COL15A1: variants seen among roughly 807,000 people sequenced by gnomAD.
COL15A1 encodes collagen type XV alpha 1 chain.
A neutral mutation model predicts 165.9 loss-of-function variants in COL15A1; 111 were observed. The observed-to-expected ratio is 0.67, with a 90% CI of 0.57 to 0.78. The LOEUF (loss-of-function observed/expected upper bound fraction) is 0.78, where lower values mean the gene tolerates loss of function less well. Ranked by LOEUF, COL15A1 falls within the 30% of genes least tolerant of loss-of-function variation. COL15A1 has a pLI of 0.00. For synonymous variants in COL15A1, 659 were observed against 674.8 expected (o/e 0.98, Z 0.36); for missense variants, 1,745 against 1,789.7 (o/e 0.98, Z 0.45).
chr9:99,054,543 A>ATT, intron 31 of COL15A1, 33 bp from the exon 32 acceptor site: 7 of 1,546,886 alleles, frequency 4.5e-6, no homozygotes, highest in Admixed American at 2.1e-5. Context: ...GTGATTTTCC[A>ATT]TTTTTTTTTA....
chr9:98,993,365 G>T (rs865850328), intron 5 of COL15A1, among the ~76,000 whole-genome samples: 64 of 152,284 alleles, frequency 4.2e-4, no homozygotes, highest in African/African-American at 1.3e-3. Context: ...CTCCTGGTTG[G>T]CCAGTGGCTT....
At chr9:99,044,214 C>T (rs987680200) in intron 24 of COL15A1, among the ~76,000 whole-genome samples, 6 of 152,052 alleles carry the variant, frequency 3.9e-5, no homozygotes, top group Non-Finnish European at 8.8e-5. Flanking sequence ...CAGGACCACA[C>T]TGGGGCTGGA....
At chr9:99,034,526 GT>G in intron 16 of COL15A1, 22 bp from the exon 17 acceptor site, 2 of 1,322,158 alleles carry the variant, frequency 1.5e-6, no homozygotes, top group African/African-American at 1.8e-5. Flanking sequence ...ATTGGTCCAT[GT>G]TTTTGTTTTT....
rs751646405 is a variant in COL15A1, at chr9:99,068,538, G to A, written c.3838-17G>A. ...CTGATGGTATAATGATTCTAATGTG[G>A]TATTTTGTCTCTATAGGGCCAAGTA... On this transcript the variant is annotated splice_polypyrimidine_tract_variant and intron_variant, in intron 40 of 41. Transcript: ENST00000375001. The A allele has an allele frequency of 1.8e-6, 2 of 1,107,646 alleles. No individual in the cohort carries two copies. The highest frequency in any genetic ancestry group is 2.5e-6 in the Non-Finnish European group (2 of 787,596). 68.6% of individuals were successfully genotyped at this position (1,107,646 alleles called of 1,614,324 possible).
At position 98,987,372 on chromosome 9, in the gene COL15A1, A is replaced by G. The variant is rs1185180271; in HGVS notation, c.723+4A>G. The G allele has an allele frequency of 1.2e-5, 19 of 1,607,604 alleles. No homozygotes were observed. In the Admixed American group the frequency reaches 3.0e-4, roughly 26 times the overall value. On this transcript the variant is annotated splice_donor_region_variant and intron_variant, in intron 4 of 41. Transcript: ENST00000375001. Reference sequence around the variant, plus strand: ...GTGTGACCCTGAAGAGTCCTCGGTGAGCTCCCCTACTATCCCACAGTGGGC... The same window carrying G: ...GTGTGACCCTGAAGAGTCCTCGGTGGGCTCCCCTACTATCCCACAGTGGGC...
chr9:98,958,136 A>G (rs1489180571), intron 2 of COL15A1, among the ~76,000 whole-genome samples: 1 of 152,224 alleles, frequency 6.6e-6, no homozygotes, highest in African/African-American at 2.4e-5. Context: ...ACTCTCCCAG[A>G]GCCTCAGCCT....
chr9:98,985,192 A>G (rs950561526), intron 2 of COL15A1, among the ~76,000 whole-genome samples: 3 of 152,248 alleles, frequency 2.0e-5, no homozygotes, highest in Middle Eastern at 6.3e-3. Context: ...AACGCAGGTC[A>G]TGAACTATTA....
intron 2 of COL15A1, among the ~76,000 whole-genome samples, chr9:98,961,793 T>C (rs1166130026): frequency 1.3e-5 from 2 of 152,208 alleles, no homozygotes; most frequent in Non-Finnish European, 2.9e-5. Flanking sequence ...CCTCTGCTTA[T>C]CAGACAGTGA....
chr9:98,971,295 T>C (rs898560691), intron 2 of COL15A1, among the ~76,000 whole-genome samples: 1 of 152,166 alleles, frequency 6.6e-6, no homozygotes, highest in Non-Finnish European at 1.5e-5. Flanking sequence ...AGGCCCCTTT[T>C]TCTCCGTGCC....
chr9:99,030,843 T>C (rs890702532), intron 16 of COL15A1, among the ~76,000 whole-genome samples: 1 of 152,216 alleles, frequency 6.6e-6, no homozygotes, highest in Non-Finnish European at 1.5e-5. Context: ...GGCACTTTCA[T>C]TAAAGACAGT....
chr9:98,977,952 G>T (rs2094524275), intron 2 of COL15A1, among the ~76,000 whole-genome samples: 2 of 152,144 alleles, frequency 1.3e-5, no homozygotes, highest in African/African-American at 4.8e-5. Context: ...TCCACTGCAG[G>T]CTGCCTCCTT....
chr9:99,005,442 C>T (rs1322498076), intron 9 of COL15A1, among the ~76,000 whole-genome samples: 1 of 152,144 alleles, frequency 6.6e-6, no homozygotes, highest in Admixed American at 6.5e-5. Flanking sequence ...TAGCCCTCTC[C>T]TCGTGCAGCG....
Position 99,059,848 on chromosome 9 carries a change from G to A in COL15A1, c.3338-41G>A, listed in dbSNP as rs151031122. On this transcript the variant is annotated intron_variant, in intron 35 of 41. Coordinates refer to ENST00000375001, the MANE Select transcript of COL15A1 (RefSeq NM_001855.5). Reference sequence around the variant, plus strand: ...GCTGATACCTCAGACATTTTTCAGAGTGTGGTTTTTGTGTAACTTCTCTTT... The same window carrying A: ...GCTGATACCTCAGACATTTTTCAGAATGTGGTTTTTGTGTAACTTCTCTTT... 383 of 1,609,368 alleles carry A rather than the reference G, an allele frequency of 2.4e-4. 4 individuals are homozygous for A. In the East Asian group the frequency reaches 4.0e-3, roughly 17 times the overall value.
At chr9:99,027,007 G>A (rs905717786) in intron 16 of COL15A1, among the ~76,000 whole-genome samples, 1 of 152,194 alleles carries the variant, frequency 6.6e-6, no homozygotes, top group Non-Finnish European at 1.5e-5. Context: ...AGTCTGGCCT[G>A]CCTTCATCCT....
intron 2 of COL15A1, among the ~76,000 whole-genome samples, chr9:98,970,770 GGTAA>G (rs943971573): frequency 7.2e-5 from 11 of 152,208 alleles, no homozygotes; most frequent in Admixed American, 4.6e-4. Context: ...TGTGTGAGTA[GGTAA>G]GTGTGTGCAT....
At chr9:98,945,909 C>T (rs1037963565) in intron 2 of COL15A1, among the ~76,000 whole-genome samples, 1 of 152,132 alleles carries the variant, frequency 6.6e-6, no homozygotes, top group Non-Finnish European at 1.5e-5. Context: ...TGGGATCCCT[C>T]AGTGTCAGGG....
chr9:98,971,078 C>G (rs1014972326), intron 2 of COL15A1, among the ~76,000 whole-genome samples: 4 of 152,170 alleles, frequency 2.6e-5, no homozygotes, highest in African/African-American at 9.7e-5. Flanking sequence ...GCTAAGGCCT[C>G]CTGTATCCTC....
intron 19 of COL15A1, 70 bp from the exon 20 acceptor site, chr9:99,036,100 G>T: frequency 7.8e-7 from 1 of 1,274,878 alleles, no homozygotes; most frequent in Non-Finnish European, 1.1e-6. Flanking sequence ...GGGGGAGATG[G>T]TGAGACAAGA....
At chr9:99,016,332 A>G (rs1390350241) in intron 11 of COL15A1, among the ~76,000 whole-genome samples, 2 of 152,204 alleles carry the variant, frequency 1.3e-5, no homozygotes, top group East Asian at 3.9e-4. Flanking sequence ...AGTCAAGGGG[A>G]CCTAGCTTTG....
Sources: gnomAD v4.1 joint callset for allele counts (sites outside exome capture counted in the v4.1 genomes callset) on GRCh38, gnomAD v4.1.1 for gene constraint, MANE v1.5 for transcripts, NCBI Gene and HGNC (gene_info 2026-07-23, HGNC 2026-07-21) for gene names.